Variants in RABEP1 observed in about 807,000 individuals in gnomAD.
The protein encoded by RABEP1 is rab GTPase-binding effector protein 1.
In RABEP1, 51 loss-of-function variants were observed where a neutral mutation model predicts 123.4. The ratio of observed to expected loss-of-function variants is 0.41; its 90% confidence interval spans 0.33 to 0.52. The LOEUF (loss-of-function observed/expected upper bound fraction) is 0.52. Among genes scored for constraint, RABEP1 ranks in the 20% least tolerant of loss-of-function variants. The probability of loss-of-function intolerance (pLI) is 0.16; values close to 1 mark genes in which losing one functional copy is unlikely to be tolerated. For synonymous variants in RABEP1, 347 were observed against 355.2 expected, an observed-to-expected ratio of 0.98 and a Z score of 0.26; for missense variants, 888 against 996.3, an observed-to-expected ratio of 0.89 and a Z score of 1.46.
In RABEP1 at chr17:5,383,863, G is replaced by A. The variant is rs560366359; in HGVS notation, c.*640G>A. ...AATTCATGAAGTGAATTAATGATGA[G>A]GATCTGAAAACTTGGCTGGGGCTAT... On this transcript the variant is annotated 3_prime_UTR_variant, in exon 18 of 18. Coordinates refer to ENST00000537505, the MANE Select transcript of RABEP1 (RefSeq NM_004703.6). 5.6e-4 allele frequency: 125 copies of A among 223,344 alleles called. No homozygotes were observed. Among genetic ancestry groups the A allele is most frequent in the Admixed American group, 1.1e-3 (20 of 17,476 alleles). The allele number at this position is 223,344 out of a possible 1,614,324, so 13.8% of individuals were successfully genotyped here. A position where few individuals can be genotyped will look rare whatever the true frequency, so the allele number is the denominator to read the frequency against.
chr17:5,339,625 C>A (rs986928110), intron 5 of RABEP1, among the ~76,000 whole-genome samples: 1 of 151,864 alleles, frequency 6.6e-6, no homozygotes, highest in African/African-American at 2.4e-5. Context: ...TGGTGAAACC[C>A]TGTCTCTACT....
chr17:5,358,730 C>T lies in RABEP1; in HGVS notation c.1096-2478C>T, dbSNP rs919319027. On this transcript the variant is annotated intron_variant, in intron 8 of 17. Transcript: ENST00000537505. ...TGTAAACATTTTTAAGATATTATTG[C>T]CAATGTAGTAGTCTGATGTGGGGTC... Among the ~76,000 whole-genome samples, 28 of 151,268 alleles carry T rather than the reference C, an allele frequency of 1.9e-4. 1 individual carries two copies. Among genetic ancestry groups the T allele is most frequent in the Non-Finnish European group, 1.8e-4 (12 of 67,904 alleles).
chr17:5,310,301 C>CGTTTTTTTTT (rs2075224343), intron 2 of RABEP1, among the ~76,000 whole-genome samples: 2 of 126,434 alleles, frequency 1.6e-5, no homozygotes, highest in African/African-American at 6.1e-5. Context: ...AAGCTTCGTC[C>CGTTTTTTTTT]TTTTTTTTTT....
intron 16 of RABEP1, 50 bp from the exon 17 acceptor site, chr17:5,381,339 G>C (rs760444368): frequency 1.3e-6 from 2 of 1,587,036 alleles, no homozygotes; most frequent in Non-Finnish European, 1.7e-6. Context: ...GATTTCCTAA[G>C]TAATTCGGCC....
At chr17:5,328,580 A>C (rs1296660967) in intron 2 of RABEP1, among the ~76,000 whole-genome samples, 2 of 144,762 alleles carry the variant, frequency 1.4e-5, no homozygotes, top group African/African-American at 2.6e-5. Context: ...TGGGAGGCAG[A>C]GATTGCAGTG....
intron 1 of RABEP1, among the ~76,000 whole-genome samples, chr17:5,286,585 G>A (rs140299375): frequency 1.2e-3 from 183 of 152,236 alleles, no homozygotes; most frequent in African/African-American, 4.0e-3. Context: ...ATACAGTGAT[G>A]AACAAAACCA....
At chr17:5,364,135 T>G (rs2144684313) in intron 10 of RABEP1, among the ~76,000 whole-genome samples, 1 of 152,360 alleles carries the variant, frequency 6.6e-6, no homozygotes, top group South Asian at 2.1e-4. Context: ...TAAATGTATT[T>G]GCAAAACTAA....
intron 6 of RABEP1, among the ~76,000 whole-genome samples, chr17:5,349,754 G>T (rs567013159): frequency 6.6e-6 from 1 of 151,928 alleles, no homozygotes; most frequent in Non-Finnish European, 1.5e-5. Context: ...TTTGGGAAAG[G>T]CTATATTATA....
chr17:5,282,561 C>G, intron 1 of RABEP1, 41 bp downstream of exon 1: 2 of 1,142,176 alleles, frequency 1.8e-6, no homozygotes, highest in South Asian at 4.4e-5. Flanking sequence ...GCGCGGCCTG[C>G]CCGGCGTCGG....
intron 6 of RABEP1, among the ~76,000 whole-genome samples, chr17:5,349,859 G>A (rs1262012666): frequency 4.6e-5 from 7 of 152,118 alleles, no homozygotes; most frequent in Admixed American, 1.3e-4. Context: ...TTATGGAGGA[G>A]CCTTTGCAAA....
At chr17:5,378,358 G>C (rs779185340) in intron 15 of RABEP1, 126 bp downstream of exon 15, 4 of 949,158 alleles carry the variant, frequency 4.2e-6, no homozygotes, top group Admixed American at 3.9e-5. Context: ...CTTTTGTCTT[G>C]TGGGAAGAAA....
intron 15 of RABEP1, 28 bp from the exon 16 acceptor site, chr17:5,380,336 T>G: frequency 1.0e-5 from 15 of 1,477,894 alleles, no homozygotes; most frequent in Non-Finnish European, 1.4e-5. Flanking sequence ...GGAGTTTCTG[T>G]GAGTTTCAGC....
In RABEP1 at chr17:5,381,408, T is replaced by C; in HGVS notation, c.2390T>C (p.Met797Thr). 1.9e-6 allele frequency: 3 copies of C among 1,613,286 alleles called. No homozygotes were observed. Among genetic ancestry groups the C allele is most frequent in the Non-Finnish European group, 1.7e-6 (2 of 1,179,658 alleles). Reference sequence around the variant, plus strand: ...TTTTAGGCTACCGTTGAACAACTAATGTTTGAAGAGAAGAATAAAGCTCAG... The same window carrying C: ...TTTTAGGCTACCGTTGAACAACTAACGTTTGAAGAGAAGAATAAAGCTCAG... The part of the protein sequence containing the change: ...TAAKATVEQL[M>T]FEEKNKAQRL... Residue 797 changes from methionine (M) to threonine (T), a missense_variant, in exon 17 of 18, where the codon ATG becomes ACG. Physicochemically the swap from Met to Thr is moderately conservative, Grantham distance 81. Coordinates refer to ENST00000537505, the MANE Select transcript of RABEP1 (RefSeq NM_004703.6).
At chr17:5,313,777 C>CA (rs1342923137) in intron 2 of RABEP1, among the ~76,000 whole-genome samples, 9 of 151,500 alleles carry the variant, frequency 5.9e-5, no homozygotes, top group Non-Finnish European at 1.0e-4. Context: ...TACAAAATTT[C>CA]AAAAAAAATA....
At chr17:5,367,438 A>G (rs553861765) in intron 11 of RABEP1, among the ~76,000 whole-genome samples, 3 of 150,770 alleles carry the variant, frequency 2.0e-5, no homozygotes, top group Non-Finnish European at 4.5e-5. Flanking sequence ...CGCCCGGCTA[A>G]TTTTTTATTT....
At chr17:5,307,348 A>G (rs930603325) in intron 1 of RABEP1, among the ~76,000 whole-genome samples, 1 of 152,204 alleles carries the variant, frequency 6.6e-6, no homozygotes, top group Admixed American at 6.5e-5. Context: ...AATGAGCCAT[A>G]ATTCTGTTAC....
At chr17:5,334,093 G>A (rs1288347349) in intron 3 of RABEP1, among the ~76,000 whole-genome samples, 3 of 150,756 alleles carry the variant, frequency 2.0e-5, no homozygotes, top group Admixed American at 6.6e-5. Flanking sequence ...GAGTGCAGTG[G>A]TGTGATCTTG....
intron 8 of RABEP1, among the ~76,000 whole-genome samples, chr17:5,357,610 ATT>A (rs944392497): frequency 6.6e-6 from 1 of 152,058 alleles, no homozygotes; most frequent in Non-Finnish European, 1.5e-5. Context: ...GCCTCAAGTG[ATT>A]TGCCCACCTC....
At chr17:5,289,108 TTTTC>T (rs1000667276) in intron 1 of RABEP1, among the ~76,000 whole-genome samples, 5 of 152,094 alleles carry the variant, frequency 3.3e-5, no homozygotes, top group East Asian at 1.9e-4. Flanking sequence ...TCATCCATTT[TTTTC>T]TTTCTTTCAT....
Sources: allele counts gnomAD v4.1 joint callset (sites outside exome capture counted in the v4.1 genomes callset), GRCh38; gene constraint gnomAD v4.1.1; transcripts MANE v1.5; gene names NCBI Gene and HGNC (gene_info 2026-07-23, HGNC 2026-07-21).